MAD1L1: variants seen among roughly 807,000 people sequenced by gnomAD.
The protein encoded by MAD1L1 is mitotic spindle assembly checkpoint protein MAD1.
In MAD1L1, 95 loss-of-function variants were observed where a neutral mutation model predicts 96.9. That is an observed-to-expected ratio of 0.98 (90% confidence interval 0.83 to 1.16). The LOEUF (loss-of-function observed/expected upper bound fraction) is 1.16, where lower values mean the gene tolerates loss of function less well. MAD1L1 is among the 50% of genes most tolerant of loss of function. The pLI is 0.00. For synonymous variants in MAD1L1, 473 were observed against 396.6 expected, an observed-to-expected ratio of 1.19 and a Z score of -2.29; for missense variants, 1,007 against 954.4, an observed-to-expected ratio of 1.06 and a Z score of -0.73.
chr7:2,162,607 CAAAA>C (rs1183281228), intron 10 of MAD1L1, among the ~76,000 whole-genome samples: 1 of 115,172 alleles, frequency 8.7e-6, no homozygotes, highest in Non-Finnish European at 1.9e-5. Flanking sequence ...AAAAAACAAA[CAAAA>C]AACCAACTTA....
chr7:2,105,715 C>T (rs996631973), intron 11 of MAD1L1, among the ~76,000 whole-genome samples: 2 of 152,056 alleles, frequency 1.3e-5, no homozygotes, highest in African/African-American at 2.4e-5. Flanking sequence ...CACCCCCGCA[C>T]GGTCCAGTAA....
At chr7:1,911,670 C>T (rs1013648721) in intron 17 of MAD1L1, among the ~76,000 whole-genome samples, 2 of 152,194 alleles carry the variant, frequency 1.3e-5, no homozygotes, top group Non-Finnish European at 2.9e-5. Flanking sequence ...CAACCCTCTC[C>T]AGTCCGGCGT....
At chr7:1,886,360 G>A (rs147980862) in intron 18 of MAD1L1, among the ~76,000 whole-genome samples, 1 of 152,234 alleles carries the variant, frequency 6.6e-6, no homozygotes, top group African/African-American at 2.4e-5. Context: ...CAGCTACCAA[G>A]GTCATGTCTA....
intron 11 of MAD1L1, chr7:2,079,855 C>T: frequency 2.4e-6 from 1 of 422,674 alleles, no homozygotes; most frequent in East Asian, 7.2e-5. Context: ...CCAGGCTCTA[C>T]TAAACAACCG....
intron 11 of MAD1L1, among the ~76,000 whole-genome samples, chr7:2,131,118 T>C (rs957839031): frequency 1.3e-5 from 2 of 152,222 alleles, no homozygotes; most frequent in Non-Finnish European, 2.9e-5. Context: ...TGGGTTGACA[T>C]ACTGCACTAT....
chr7:2,076,768 CG>C (rs1785394110), intron 11 of MAD1L1, among the ~76,000 whole-genome samples: 1 of 150,752 alleles, frequency 6.6e-6, no homozygotes, highest in Non-Finnish European at 1.5e-5. Context: ...GAGCCCAAGA[CG>C]GTTACGACAT....
At chr7:2,124,387 C>T (rs561675110) in intron 11 of MAD1L1, among the ~76,000 whole-genome samples, 4 of 152,320 alleles carry the variant, frequency 2.6e-5, no homozygotes, top group East Asian at 1.9e-4. Flanking sequence ...CCCAACGTGC[C>T]GAAAGGAAGA....
intron 17 of MAD1L1, among the ~76,000 whole-genome samples, chr7:1,905,551 T>C (rs369314524): frequency 3.0e-5 from 4 of 134,580 alleles, no homozygotes; most frequent in Admixed American, 1.5e-4. Context: ...GACGCTCTTG[T>C]GGAACTCATG....
In MAD1L1 at chr7:2,149,176, T is replaced by C; in HGVS notation, c.1049A>G (p.Asp350Gly). Residue 350 changes from aspartate to glycine, a missense_variant, in exon 11 of 19, where the codon GAC (aspartate) becomes GGC (glycine). Physicochemically the swap from Asp to Gly is moderately conservative, Grantham distance 94. Coordinates refer to ENST00000265854, the MANE Select transcript of MAD1L1 (RefSeq NM_001013836.2). ...ELQQRELALKDKNSAVTSSAR... is the reference protein window; with the variant it reads ...ELQQRELALKGKNSAVTSSAR... Reference sequence around the variant, plus strand: ...CCTGCTGGTGACGGCGCTGTTCTTGTCCTTCAAGGCAAGCTCCCTCTGCTG... The same window carrying C: ...CCTGCTGGTGACGGCGCTGTTCTTGCCCTTCAAGGCAAGCTCCCTCTGCTG... 1 of 1,614,062 alleles carries C rather than the reference T, an allele frequency of 6.2e-7. No homozygotes were observed. Among genetic ancestry groups the C allele is most frequent in the Non-Finnish European group, 8.5e-7 (1 of 1,180,008 alleles).
chr7:2,047,368 G>T (rs575605161), intron 12 of MAD1L1, among the ~76,000 whole-genome samples: 152 of 152,308 alleles, frequency 1.0e-3, no homozygotes, highest in African/African-American at 3.5e-3. Context: ...CCTCCCCTTG[G>T]TGTTTTATTG....
At chr7:2,025,492 G>A (rs953405628) in intron 12 of MAD1L1, among the ~76,000 whole-genome samples, 17 of 152,098 alleles carry the variant, frequency 1.1e-4, no homozygotes, top group South Asian at 2.1e-4. Flanking sequence ...AATATGTTCC[G>A]GACCCCAAGA....
intron 15 of MAD1L1, among the ~76,000 whole-genome samples, chr7:1,969,309 G>A (rs1040774449): frequency 6.6e-6 from 1 of 152,166 alleles, no homozygotes; most frequent in Admixed American, 6.5e-5. Flanking sequence ...TTGAACCCGG[G>A]AGGCAGAGGT....
At chr7:1,944,125 G>A (rs1228453909) in intron 16 of MAD1L1, among the ~76,000 whole-genome samples, 2 of 152,148 alleles carry the variant, frequency 1.3e-5, no homozygotes, top group Non-Finnish European at 2.9e-5. Context: ...CTCAGAACAG[G>A]CCACGGGACT....
chr7:1,983,996 T>C (rs1781039133), intron 14 of MAD1L1, among the ~76,000 whole-genome samples: 2 of 152,392 alleles, frequency 1.3e-5, no homozygotes, highest in South Asian at 4.1e-4. Flanking sequence ...TTTTGTTCTC[T>C]GACTTCTTGG....
At chr7:2,188,733 G>GA (rs1171097373) in intron 10 of MAD1L1, among the ~76,000 whole-genome samples, 2 of 151,522 alleles carry the variant, frequency 1.3e-5, no homozygotes, top group African/African-American at 2.4e-5. Flanking sequence ...AAAACTCTTA[G>GA]AAAAAAACAG....
chr7:2,048,306 C>CGAA lies in MAD1L1; in HGVS notation c.1218+20887_1218+20888insTTC, dbSNP rs567192458. Reference sequence around the variant, plus strand: ...CAGCTACCTGGGCTGCGAATCCTGCCTGTTCACCCAGGCAAGTTCCTTCAT... The same window carrying CGAA: ...CAGCTACCTGGGCTGCGAATCCTGCCGAATGTTCACCCAGGCAAGTTCCTTCAT... On this transcript the variant is annotated intron_variant, in intron 12 of 18. Coordinates refer to ENST00000265854, the MANE Select transcript of MAD1L1 (RefSeq NM_001013836.2). Among the ~76,000 whole-genome samples, 21 of 152,330 alleles carry CGAA rather than the reference C, an allele frequency of 1.4e-4. No individual in the cohort carries two copies. The South Asian group carries it at 3.5e-3, about 26-fold the overall frequency.
At chr7:2,125,786 G>A (rs1788203954) in intron 11 of MAD1L1, among the ~76,000 whole-genome samples, 1 of 152,222 alleles carries the variant, frequency 6.6e-6, no homozygotes. Flanking sequence ...CCACAGCTCT[G>A]AAAAATAAAC....
chr7:2,138,980 C>T (rs2128573010), intron 11 of MAD1L1, among the ~76,000 whole-genome samples: 1 of 152,296 alleles, frequency 6.6e-6, no homozygotes, highest in Admixed American at 6.5e-5. Context: ...AAGGAGAACA[C>T]CTCTCAGCTG....
chr7:2,029,827 GTGAT>G (rs1783141638), intron 12 of MAD1L1, among the ~76,000 whole-genome samples: 1 of 152,162 alleles, frequency 6.6e-6, no homozygotes. Flanking sequence ...AGGCAAGAGA[GTGAT>G]TGATAGAGGG....
Sources: gnomAD v4.1 joint callset for allele counts (sites outside exome capture counted in the v4.1 genomes callset) on GRCh38, gnomAD v4.1.1 for gene constraint, MANE v1.5 for transcripts, NCBI Gene and HGNC (gene_info 2026-07-23, HGNC 2026-07-21) for gene names.